The following ARNT2 variants were observed in gnomAD, a reference collection of about 807,000 sequenced individuals.
The protein encoded by ARNT2 is aryl hydrocarbon receptor nuclear translocator 2, also known as ARNT protein 2.
ARNT2 carries 36 observed loss-of-function variants against 91.7 expected under a neutral mutation model. The ratio of observed to expected loss-of-function variants is 0.39; its 90% CI spans 0.30 to 0.52. The LOEUF (loss-of-function observed/expected upper bound fraction) is 0.52. Among genes scored for constraint, ARNT2 ranks in the 20% least tolerant of loss-of-function variants. The pLI is 0.72. For missense variants in ARNT2, 775 were observed against 939.3 expected (o/e 0.83, Z 2.29); for synonymous variants, 365 against 347.1 (o/e 1.05, Z -0.57).
At chr15:80,437,856 A>G (rs2141575098) in intron 1 of ARNT2, among the ~76,000 whole-genome samples, 2 of 151,906 alleles carry the variant, frequency 1.3e-5, no homozygotes, top group Non-Finnish European at 2.9e-5. Context: ...ATAAGTGGGC[A>G]GTAAAAATCC....
At chr15:80,420,313 T>G (rs777254920) in intron 1 of ARNT2, among the ~76,000 whole-genome samples, 2 of 152,204 alleles carry the variant, frequency 1.3e-5, no homozygotes, top group African/African-American at 4.8e-5. Flanking sequence ...GATCTTTTCC[T>G]GGACTATTGA....
intron 5 of ARNT2, among the ~76,000 whole-genome samples, chr15:80,507,473 G>A (rs1897290978): frequency 6.6e-6 from 1 of 152,126 alleles, no homozygotes; most frequent in Admixed American, 6.5e-5. Context: ...GGGAAGAGTG[G>A]GTGAAGCTGC....
intron 17 of ARNT2, among the ~76,000 whole-genome samples, chr15:80,582,562 G>T (rs993343328): frequency 9.2e-5 from 14 of 152,068 alleles, no homozygotes; most frequent in African/African-American, 3.1e-4. Context: ...GTCATCTGCT[G>T]CCCAGCCCTC....
intron 8 of ARNT2, among the ~76,000 whole-genome samples, chr15:80,539,096 A>G (rs747141962): frequency 6.6e-6 from 1 of 152,104 alleles, no homozygotes; most frequent in Non-Finnish European, 1.5e-5. Flanking sequence ...CTGCACCCCA[A>G]ATGGTTCCAG....
intron 5 of ARNT2, among the ~76,000 whole-genome samples, chr15:80,484,666 G>A (rs1423569827): frequency 1.3e-5 from 2 of 152,226 alleles, no homozygotes; most frequent in African/African-American, 2.4e-5. Context: ...AGCCCAGGCT[G>A]TTGGGTTCAT....
intron 2 of ARNT2, among the ~76,000 whole-genome samples, chr15:80,453,982 T>G (rs547755342): frequency 6.6e-6 from 1 of 152,262 alleles, no homozygotes; most frequent in African/African-American, 2.4e-5. Flanking sequence ...ACCAATGTCT[T>G]GCAGTTGGGA....
In ARNT2 at chr15:80,591,631, A is replaced by G. The variant is rs555361235; in HGVS notation, c.1982A>G (p.Gln661Arg). Residue 661 changes from glutamine (Q) to arginine (R), a missense_variant, in exon 18 of 19, where the codon CAA becomes CGA. Transcript: ENST00000303329. The surrounding 1 kb of genome is among the most constrained non-coding windows in gnomAD (Gnocchi z 5.1). Reference sequence around the variant, plus strand: ...CCCTCGGAAGTCTGGTCGCAGTGGCAAAGCCAGCACCATGGCCAGCAGAGC... The same window carrying G: ...CCCTCGGAAGTCTGGTCGCAGTGGCGAAGCCAGCACCATGGCCAGCAGAGC... ...GRPSEVWSQW[Q>R]SQHHGQQSGE... 6 of 1,614,190 alleles carry G rather than the reference A, an allele frequency of 3.7e-6. No individual in the cohort carries two copies. The South Asian group carries it at 6.6e-5, about 18-fold the overall frequency.
intron 8 of ARNT2, among the ~76,000 whole-genome samples, chr15:80,546,973 A>G (rs976417087): frequency 2.6e-5 from 4 of 151,654 alleles, no homozygotes; most frequent in African/African-American, 9.7e-5. Context: ...AAAAAAAAAA[A>G]CCAAACAAAA....
Position 80,584,627 on chromosome 15 carries a change from A to G in ARNT2, c.1918+3223A>G, listed in dbSNP as rs556725262. 2.6e-5 allele frequency among the ~76,000 whole-genome samples: 4 copies of G among 152,348 alleles called. No homozygotes were observed. In the East Asian group the frequency reaches 7.7e-4, roughly 29 times the overall value. ...TAATTATTAAACACAAAGCAGGCTT[A>G]AAAAACAGGCCGTGTTTACATTTGC... On this transcript the variant is annotated intron_variant, in intron 17 of 18. Coordinates refer to ENST00000303329, the MANE Select transcript of ARNT2 (RefSeq NM_014862.4).
At chr15:80,554,548 C>T (rs1898142449) in intron 10 of ARNT2, 1 of 153,424 alleles carries the variant, frequency 6.5e-6, no homozygotes, top group African/African-American at 2.4e-5. Context: ...TTGTTTTGGG[C>T]TAATGCTATG....
intron 8 of ARNT2, among the ~76,000 whole-genome samples, chr15:80,524,515 G>A (rs1897603027): frequency 1.3e-5 from 2 of 152,160 alleles, no homozygotes; most frequent in African/African-American, 4.8e-5. Flanking sequence ...GTTAAAAATA[G>A]CATGGGACAT....
intron 1 of ARNT2, among the ~76,000 whole-genome samples, chr15:80,405,517 T>C (rs1267564756): frequency 1.3e-5 from 2 of 152,026 alleles, no homozygotes; most frequent in East Asian, 3.9e-4. Context: ...CAGCAATGCC[T>C]AGCAAAGAAA....
chr15:80,489,218 A>C (rs574916716), intron 5 of ARNT2, among the ~76,000 whole-genome samples: 1 of 152,362 alleles, frequency 6.6e-6, no homozygotes, highest in African/African-American at 2.4e-5. Flanking sequence ...AGACAGACAC[A>C]TTTCCCTCTG....
At chr15:80,424,425 G>C (rs886121032) in intron 1 of ARNT2, among the ~76,000 whole-genome samples, 6 of 152,206 alleles carry the variant, frequency 3.9e-5, no homozygotes, top group African/African-American at 1.4e-4. Flanking sequence ...TTATTGGGAA[G>C]ATGTCCTCAT....
At position 80,596,908 on chromosome 15, in the gene ARNT2, C is replaced by A; in HGVS notation, c.*3210C>A. The A allele has an allele frequency of 5.6e-6, 2 of 356,084 alleles. No individual in the cohort carries two copies. The highest frequency in any genetic ancestry group is 1.1e-5 in the Non-Finnish European group (2 of 180,808). 22.1% of individuals were successfully genotyped at this position (356,084 alleles called of 1,614,324 possible). A position where few individuals can be genotyped will look rare whatever the true frequency, so the allele number is the denominator to read the frequency against. ...CAAGGATGGCTCTAGAACACTCTGTCCATGCGTCACTCCCCCCAGTTTTAT... is the reference window on the plus strand; with the variant it reads ...CAAGGATGGCTCTAGAACACTCTGTACATGCGTCACTCCCCCCAGTTTTAT... On this transcript the variant is annotated 3_prime_UTR_variant, in exon 19 of 19. Coordinates refer to ENST00000303329, the MANE Select transcript of ARNT2 (RefSeq NM_014862.4).
At chr15:80,509,425 G>T (rs1897313817) in intron 6 of ARNT2, among the ~76,000 whole-genome samples, 1 of 152,004 alleles carries the variant, frequency 6.6e-6, no homozygotes, top group East Asian at 1.9e-4. Context: ...CTGGGTAACA[G>T]AGTGAATCTC....
chr15:80,423,657 T>C (rs1895892471), intron 1 of ARNT2, among the ~76,000 whole-genome samples: 1 of 152,214 alleles, frequency 6.6e-6, no homozygotes, highest in Non-Finnish European at 1.5e-5. Context: ...GTGAGTTTGC[T>C]AATTCCCATC....
At chr15:80,554,767 G>C (rs1898146706) in intron 10 of ARNT2, 1 of 274,046 alleles carries the variant, frequency 3.6e-6, no homozygotes, top group Non-Finnish European at 7.0e-6. Flanking sequence ...GTTTATTGCA[G>C]TTTGCCTCTC....
chr15:80,514,981 C>A (rs1412835865), intron 8 of ARNT2, among the ~76,000 whole-genome samples: 1 of 152,046 alleles, frequency 6.6e-6, no homozygotes, highest in Non-Finnish European at 1.5e-5. Flanking sequence ...GTTCTGTCAC[C>A]CAGAGCATTC....
Sources: allele counts gnomAD v4.1 joint callset (sites outside exome capture counted in the v4.1 genomes callset), GRCh38; gene constraint gnomAD v4.1.1; non-coding constraint Gnocchi (gnomAD v3.1); transcripts MANE v1.5; gene names NCBI Gene and HGNC (gene_info 2026-07-23, HGNC 2026-07-21).